The following ZBTB20 variants were observed in gnomAD, a reference collection of about 807,000 sequenced individuals.
The protein encoded by ZBTB20 is zinc finger and BTB domain-containing protein 20.
A neutral mutation model predicts 56.9 loss-of-function variants in ZBTB20; 9 were observed. That is an observed-to-expected ratio of 0.16 (90% CI 0.10 to 0.28). The LOEUF (loss-of-function observed/expected upper bound fraction) is 0.28. Ranked by LOEUF, ZBTB20 falls within the 10% of genes least tolerant of loss-of-function variation. The pLI is 1.00. For missense variants in ZBTB20, 655 were observed against 1,003.0 expected (o/e 0.65, Z 4.69); for synonymous variants, 417 against 420.7 (o/e 0.99, Z 0.11).
chr3:114,837,142 A>T (rs1461116041), intron 4 of ZBTB20, among the ~76,000 whole-genome samples: 1 of 152,116 alleles, frequency 6.6e-6, no homozygotes, highest in Non-Finnish European at 1.5e-5. Context: ...TATTATCTCC[A>T]CAGAAAGGTC....
intron 1 of ZBTB20, among the ~76,000 whole-genome samples, chr3:115,091,711 T>A (rs1237357087): frequency 1.3e-5 from 2 of 148,492 alleles, no homozygotes; most frequent in East Asian, 3.9e-4. Context: ...ATATATATAA[T>A]ACATACATAT....
At chr3:114,440,006 CAA>C (rs904420731) in intron 7 of ZBTB20, among the ~76,000 whole-genome samples, 5 of 151,938 alleles carry the variant, frequency 3.3e-5, no homozygotes, top group African/African-American at 1.2e-4. Context: ...GCTTAGATTT[CAA>C]AAGTCTTCCA....
chr3:114,992,912 T>C (rs929095671), intron 2 of ZBTB20, among the ~76,000 whole-genome samples: 1 of 151,958 alleles, frequency 6.6e-6, no homozygotes, highest in Non-Finnish European at 1.5e-5. Context: ...AATTAGGTTT[T>C]CTGTAGACCA....
At chr3:115,040,366 G>A (rs1280761385) in intron 2 of ZBTB20, among the ~76,000 whole-genome samples, 1 of 152,114 alleles carries the variant, frequency 6.6e-6, no homozygotes, top group Non-Finnish European at 1.5e-5. Flanking sequence ...AGAAGCCTGT[G>A]CTCTGGGAGC....
At chr3:114,631,737 T>C (rs1345204085) in intron 6 of ZBTB20, among the ~76,000 whole-genome samples, 1 of 152,140 alleles carries the variant, frequency 6.6e-6, no homozygotes, top group Non-Finnish European at 1.5e-5. Flanking sequence ...AGAAATTTTT[T>C]CTTATGATTC....
intron 6 of ZBTB20, among the ~76,000 whole-genome samples, chr3:114,522,294 G>A (rs1208246819): frequency 3.3e-5 from 5 of 150,594 alleles, no homozygotes; most frequent in African/African-American, 1.2e-4. Context: ...AAGTGCAAAT[G>A]TGAAATCATG....
At chr3:114,778,113 G>A (rs1229337570) in intron 5 of ZBTB20, among the ~76,000 whole-genome samples, 3 of 104,666 alleles carry the variant, frequency 2.9e-5, no homozygotes, top group Admixed American at 1.3e-4. Flanking sequence ...GGGGAAGGGG[G>A]AGGGATAGCA....
intron 4 of ZBTB20, among the ~76,000 whole-genome samples, chr3:114,843,686 T>TA (rs1491249029): frequency 1.3e-3 from 188 of 150,168 alleles, no homozygotes; most frequent in South Asian, 4.4e-3. Flanking sequence ...TATATATATA[T>TA]TTTTTTTTGA....
chr3:114,604,506 A>C (rs2056995379), intron 6 of ZBTB20, among the ~76,000 whole-genome samples: 1 of 151,864 alleles, frequency 6.6e-6, no homozygotes, highest in Non-Finnish European at 1.5e-5. Context: ...AATATATTTA[A>C]AATATATGTA....
intron 7 of ZBTB20, among the ~76,000 whole-genome samples, chr3:114,444,839 T>C (rs1395958665): frequency 6.6e-6 from 1 of 152,132 alleles, no homozygotes; most frequent in Admixed American, 6.6e-5. Context: ...GATAATTTTG[T>C]AGAGCTTTAC....
intron 3 of ZBTB20, among the ~76,000 whole-genome samples, chr3:114,956,894 A>G (rs1334640712): frequency 6.6e-6 from 1 of 152,200 alleles, no homozygotes; most frequent in African/African-American, 2.4e-5. Flanking sequence ...ATAATGCCAC[A>G]TGGTTCCTAA....
chr3:114,918,837 G>A (rs2075844145), intron 3 of ZBTB20, among the ~76,000 whole-genome samples: 1 of 152,194 alleles, frequency 6.6e-6, no homozygotes. Flanking sequence ...GTCAGAGGAG[G>A]GGTGGCAGAA....
chr3:114,867,104 A>C (rs189271115), intron 4 of ZBTB20, among the ~76,000 whole-genome samples: 1 of 152,170 alleles, frequency 6.6e-6, no homozygotes, highest in East Asian at 1.9e-4. Flanking sequence ...CTTCAGTAAG[A>C]GCAAAGATAG....
intron 6 of ZBTB20, among the ~76,000 whole-genome samples, chr3:114,584,998 T>C (rs960191781): frequency 5.3e-5 from 8 of 152,046 alleles, no homozygotes; most frequent in African/African-American, 1.9e-4. Flanking sequence ...GATATACCTA[T>C]GGCATCAACA....
At chr3:114,954,625 G>A (rs754197083) in intron 3 of ZBTB20, among the ~76,000 whole-genome samples, 11 of 152,124 alleles carry the variant, frequency 7.2e-5, no homozygotes, top group Non-Finnish European at 1.3e-4. Flanking sequence ...AGAAGGATTC[G>A]ACTAAGCAGT....
chr3:114,619,539 T>C (rs556847388), intron 6 of ZBTB20, among the ~76,000 whole-genome samples: 1 of 152,248 alleles, frequency 6.6e-6, no homozygotes, highest in African/African-American at 2.4e-5. Context: ...TTGTAGTACA[T>C]GCAGTTACTC....
intron 2 of ZBTB20, among the ~76,000 whole-genome samples, chr3:114,979,598 T>C (rs1467904058): frequency 6.6e-6 from 1 of 152,072 alleles, no homozygotes; most frequent in African/African-American, 2.4e-5. Context: ...TTAATAATTA[T>C]AGCAAACAAG....
chr3:114,480,421 G>C (rs1222943535), intron 7 of ZBTB20, among the ~76,000 whole-genome samples: 1 of 152,144 alleles, frequency 6.6e-6, no homozygotes, highest in Admixed American at 6.5e-5. Flanking sequence ...ACTTGCTTTT[G>C]AAATAAGGAG....
At chr3:114,920,299 T>C (rs1316409053) in intron 3 of ZBTB20, among the ~76,000 whole-genome samples, 5 of 152,102 alleles carry the variant, frequency 3.3e-5, no homozygotes, top group African/African-American at 1.2e-4. Flanking sequence ...ATATAGAACA[T>C]TCTATCCAAC....
Sources: gnomAD v4.1 joint callset for allele counts (sites outside exome capture counted in the v4.1 genomes callset) on GRCh38, gnomAD v4.1.1 for gene constraint, MANE v1.5 for transcripts, NCBI Gene and HGNC (gene_info 2026-07-23, HGNC 2026-07-21) for gene names.